The following BDNF variants were observed in gnomAD, a reference collection of about 807,000 sequenced individuals.
The protein encoded by BDNF is neurotrophic factor BDNF precursor form.
BDNF carries 1 observed loss-of-function variant against 19.5 expected under a neutral mutation model. That is an observed-to-expected ratio of 0.05 (90% CI 0.02 to 0.24). The LOEUF is 0.24. Ranked by LOEUF, BDNF falls within the 10% of genes least tolerant of loss-of-function variation. The pLI is 1.00. For missense variants in BDNF, 195 were observed against 317.6 expected (o/e 0.61, Z 2.93); for synonymous variants, 100 against 121.6 (o/e 0.82, Z 1.17).
At chr11:27,705,950 A>C (rs187868763) in intron 1 of BDNF, among the ~76,000 whole-genome samples, 62 of 152,334 alleles carry the variant, frequency 4.1e-4, no homozygotes, top group Middle Eastern at 3.4e-3. Flanking sequence ...ATTTTAATCC[A>C]TGGTGACACT....
At chr11:27,721,193 C>A (rs1220270366) in intron 1 of BDNF, among the ~76,000 whole-genome samples, 1 of 151,998 alleles carries the variant, frequency 6.6e-6, no homozygotes, top group East Asian at 1.9e-4. Context: ...AACACACACC[C>A]CCCCACCCAG....
At chr11:27,666,142 T>C (rs1300497498) in intron 1 of BDNF, among the ~76,000 whole-genome samples, 5 of 147,040 alleles carry the variant, frequency 3.4e-5, no homozygotes, top group Non-Finnish European at 5.9e-5. Context: ...CTGCTGGTGA[T>C]ACCCAAGCAA....
At chr11:27,683,455 G>T (rs907245148) in intron 1 of BDNF, among the ~76,000 whole-genome samples, 1 of 152,058 alleles carries the variant, frequency 6.6e-6, no homozygotes, top group South Asian at 2.1e-4. Flanking sequence ...CATTGCTTTT[G>T]GTATTTTAGT....
At chr11:27,663,983 A>G (rs932358109) in intron 1 of BDNF, among the ~76,000 whole-genome samples, 4 of 152,126 alleles carry the variant, frequency 2.6e-5, no homozygotes, top group East Asian at 3.9e-4. Context: ...CTAAGTTTCT[A>G]TGGCCAAAGG....
upstream of BDNF, among the ~76,000 whole-genome samples, chr11:27,702,442 C>A (rs998643685): frequency 6.6e-6 from 1 of 152,134 alleles, no homozygotes; most frequent in Non-Finnish European, 1.5e-5. Flanking sequence ...AATCTCCCAC[C>A]AAGCCCACAC....
chr11:27,686,342 C>T (rs1186988641), intron 1 of BDNF, among the ~76,000 whole-genome samples: 1 of 152,120 alleles, frequency 6.6e-6, no homozygotes, highest in Non-Finnish European at 1.5e-5. Flanking sequence ...GGTCTTGACT[C>T]TTTATCCAAT....
chr11:27,697,162 C>CAGAGAGAGAGAG (rs1271043342), intron 1 of BDNF, among the ~76,000 whole-genome samples: 140 of 125,180 alleles, frequency 1.1e-3, no homozygotes, highest in South Asian at 5.9e-3. Context: ...CACACACACA[C>CAGAGAGAGAGAG]ACAGAGAGAG....
At chr11:27,699,313 C>T in intron 1 of BDNF, 2 of 1,599,046 alleles carry the variant, frequency 1.3e-6, no homozygotes, top group Non-Finnish European at 1.7e-6. Flanking sequence ...GTAATCTCCC[C>T]TTCTTCTTGC....
intron 1 of BDNF, among the ~76,000 whole-genome samples, chr11:27,694,676 CTTGT>C (rs562327868): frequency 9.5e-5 from 12 of 126,830 alleles, no homozygotes; most frequent in East Asian, 2.3e-4. Flanking sequence ...CTTCCTTTTT[CTTGT>C]TTGTTTGTTT....
upstream of BDNF, among the ~76,000 whole-genome samples, chr11:27,702,409 G>T (rs1185308695): frequency 1.3e-5 from 2 of 152,118 alleles, no homozygotes; most frequent in Non-Finnish European, 2.9e-5. Flanking sequence ...CTCTCTTGGG[G>T]GTACAACACT....
rs1852754221 is a variant in BDNF, at chr11:27,657,681, C to T, written c.*140G>A. ...ATGTCCAATAAATAGATTGTAGAAC[C>T]ACTGTACTGTATAAACTTCATTTAT... On this transcript the variant is annotated 3_prime_UTR_variant, in exon 2 of 2. Transcript: ENST00000356660. This position sits in a 1 kb window ranked among gnomAD's most constrained non-coding sequence, Gnocchi z 5.0. 9 of 1,473,376 alleles carry T rather than the reference C, an allele frequency of 6.1e-6. No homozygotes were observed. Among genetic ancestry groups the T allele is most frequent in the Non-Finnish European group, 8.0e-6 (9 of 1,121,182 alleles). 91.3% of individuals were successfully genotyped at this position (1,473,376 alleles called of 1,614,324 possible).
intron 1 of BDNF, among the ~76,000 whole-genome samples, chr11:27,667,827 A>G (rs1000401717): frequency 6.6e-6 from 1 of 152,204 alleles, no homozygotes; most frequent in Non-Finnish European, 1.5e-5. Flanking sequence ...GGGAGACTTT[A>G]TCACCCCACG....
intron 1 of BDNF, among the ~76,000 whole-genome samples, chr11:27,666,586 C>G (rs1854379177): frequency 6.6e-6 from 1 of 152,148 alleles, no homozygotes; most frequent in South Asian, 2.1e-4. Flanking sequence ...CCTTAAATGA[C>G]CTGATGGAGC....
At chr11:27,705,878 G>A (rs545827556) in intron 1 of BDNF, among the ~76,000 whole-genome samples, 1 of 152,336 alleles carries the variant, frequency 6.6e-6, no homozygotes, top group African/African-American at 2.4e-5. Flanking sequence ...GGCTGATACA[G>A]GCAGATGCAT....
intron 1 of BDNF, chr11:27,719,686 G>A: frequency 1.0e-6 from 1 of 981,122 alleles, no homozygotes; most frequent in Non-Finnish European, 1.2e-6. Flanking sequence ...GAGCGAGGGC[G>A]ACGGAGAGGA....
intron 1 of BDNF, among the ~76,000 whole-genome samples, chr11:27,668,187 G>A (rs1363938550): frequency 6.6e-6 from 1 of 152,192 alleles, no homozygotes; most frequent in Non-Finnish European, 1.5e-5. Flanking sequence ...TTAACGAAGT[G>A]AAGGCAGAAA....
intron 1 of BDNF, among the ~76,000 whole-genome samples, chr11:27,679,868 C>T (rs550622180): frequency 2.0e-5 from 3 of 152,260 alleles, no homozygotes; most frequent in Admixed American, 1.3e-4. Context: ...CTGTCATTCC[C>T]TCATATGAAA....
intron 1 of BDNF, chr11:27,674,620 A>G (rs950231464): frequency 2.0e-6 from 2 of 985,136 alleles, no homozygotes; most frequent in African/African-American, 3.5e-5. Context: ...GCCAGAAAAT[A>G]TCTGCATCAT....
At chr11:27,660,996 T>C (rs1004160568) in intron 1 of BDNF, among the ~76,000 whole-genome samples, 2 of 152,234 alleles carry the variant, frequency 1.3e-5, no homozygotes, top group Non-Finnish European at 2.9e-5. Flanking sequence ...TTAATAACTT[T>C]ATGAGAAAAA....
Sources: allele counts gnomAD v4.1 joint callset (sites outside exome capture counted in the v4.1 genomes callset), GRCh38; gene constraint gnomAD v4.1.1; non-coding constraint Gnocchi (gnomAD v3.1); transcripts MANE v1.5; gene names NCBI Gene and HGNC (gene_info 2026-07-23, HGNC 2026-07-21).